The following CADM1 variants were observed in gnomAD, a reference collection of about 807,000 sequenced individuals.
CADM1 encodes the protein TSLC-1.
A neutral mutation model predicts 53.1 loss-of-function variants in CADM1; 15 were observed. That is an observed-to-expected ratio of 0.28 (90% CI 0.19 to 0.44). The LOEUF is 0.44. CADM1 is among the 20% of genes least tolerant of loss of function. CADM1 has a pLI of 1.00. For missense variants in CADM1, 434 were observed against 611.3 expected, an observed-to-expected ratio of 0.71 and a Z score of 3.06; for synonymous variants, 281 against 243.0, an observed-to-expected ratio of 1.16 and a Z score of -1.45.
intron 1 of CADM1, among the ~76,000 whole-genome samples, chr11:115,468,875 A>C (rs997622164): frequency 1.3e-5 from 2 of 152,236 alleles, no homozygotes; most frequent in African/African-American, 4.8e-5. Flanking sequence ...TCATGGCAGA[A>C]GGCAAAGGAG....
intron 1 of CADM1, among the ~76,000 whole-genome samples, chr11:115,349,981 G>GT (rs912707911): frequency 4.0e-5 from 6 of 151,866 alleles, no homozygotes; most frequent in Non-Finnish European, 8.8e-5. Flanking sequence ...TTTGTTTTTT[G>GT]TTTTTTTGAG....
intron 1 of CADM1, among the ~76,000 whole-genome samples, chr11:115,345,914 T>C (rs1027839970): frequency 6.9e-6 from 1 of 145,898 alleles, no homozygotes; most frequent in Non-Finnish European, 1.5e-5. Context: ...TGTACATGCA[T>C]CTAAGCAATT....
intron 1 of CADM1, among the ~76,000 whole-genome samples, chr11:115,464,079 A>C (rs1948848623): frequency 6.6e-6 from 1 of 152,168 alleles, no homozygotes; most frequent in African/African-American, 2.4e-5. Context: ...GACTGGAGAC[A>C]ATCTGCATCT....
At chr11:115,253,934 T>A (rs1306964156) in intron 1 of CADM1, among the ~76,000 whole-genome samples, 1 of 152,232 alleles carries the variant, frequency 6.6e-6, no homozygotes, top group African/African-American at 2.4e-5. Flanking sequence ...GCTCTGCCAG[T>A]TATTAGGCAG....
In CADM1 at chr11:115,174,131, A is replaced by G. The variant is rs998544447; in HGVS notation, c.*2343T>C. Reference sequence around the variant, plus strand: ...ACCTGAGACGGAAAACACCAATCGCAACACATGAACCTGAGACATGTCAAC... The same window carrying G: ...ACCTGAGACGGAAAACACCAATCGCGACACATGAACCTGAGACATGTCAAC... On this transcript the variant is annotated 3_prime_UTR_variant, in exon 12 of 12. Transcript: ENST00000331581. 2 of 985,286 alleles carry G rather than the reference A, an allele frequency of 2.0e-6. No individual in the cohort carries two copies. The highest frequency in any genetic ancestry group is 2.4e-6 in the Non-Finnish European group (2 of 829,908). The allele number at this position is 985,286 out of a possible 1,614,324, so 61.0% of individuals were successfully genotyped here.
chr11:115,445,947 G>C (rs2135336544), intron 1 of CADM1: 2 of 232,708 alleles, frequency 8.6e-6, no homozygotes, highest in South Asian at 8.9e-5. Context: ...AAACTCCAGG[G>C]TGATTATTTA....
At chr11:115,352,026 T>C (rs532643446) in intron 1 of CADM1, among the ~76,000 whole-genome samples, 8 of 152,214 alleles carry the variant, frequency 5.3e-5, no homozygotes, top group Non-Finnish European at 1.2e-4. Context: ...CATAGACTGC[T>C]TTACATCCGC....
At chr11:115,227,654 G>C (rs1183723969) in intron 5 of CADM1, among the ~76,000 whole-genome samples, 2 of 152,182 alleles carry the variant, frequency 1.3e-5, no homozygotes, top group Non-Finnish European at 2.9e-5. Context: ...TACCACAATA[G>C]TTTTAGTGAT....
intron 1 of CADM1, among the ~76,000 whole-genome samples, chr11:115,484,222 A>T (rs904506674): frequency 6.6e-6 from 1 of 152,222 alleles, no homozygotes; most frequent in Non-Finnish European, 1.5e-5. Flanking sequence ...TGGGCTAAGG[A>T]ACCATGCACA....
chr11:115,196,595 T>TGAA (rs747386680), intron 9 of CADM1, among the ~76,000 whole-genome samples: 3 of 76,894 alleles, frequency 3.9e-5, no homozygotes, highest in African/African-American at 1.0e-4. Context: ...GCTGATGAAC[T>TGAA]AAAAAAAAAA....
intron 1 of CADM1, among the ~76,000 whole-genome samples, chr11:115,372,909 GC>G (rs1202891484): frequency 2.6e-5 from 4 of 152,176 alleles, no homozygotes; most frequent in Non-Finnish European, 5.9e-5. Flanking sequence ...TTCAAGATGG[GC>G]CCCAAAGGCT....
At chr11:115,412,371 A>AT (rs1947479663) in intron 1 of CADM1, among the ~76,000 whole-genome samples, 1 of 151,948 alleles carries the variant, frequency 6.6e-6, no homozygotes. Flanking sequence ...ATTTTTTAAA[A>AT]TTTTTTTAGA....
chr11:115,336,807 T>G (rs1414770636), intron 1 of CADM1, among the ~76,000 whole-genome samples: 1 of 152,186 alleles, frequency 6.6e-6, no homozygotes, highest in African/African-American at 2.4e-5. Context: ...GGAACATTAG[T>G]TAACATTTTA....
chr11:115,476,699 G>T (rs969102418), intron 1 of CADM1, among the ~76,000 whole-genome samples: 1 of 152,094 alleles, frequency 6.6e-6, no homozygotes, highest in African/African-American at 2.4e-5. Flanking sequence ...AGAGAATCAG[G>T]GTGATAAAGA....
chr11:115,246,081 G>T (rs1942398445), intron 1 of CADM1, among the ~76,000 whole-genome samples: 1 of 152,126 alleles, frequency 6.6e-6, no homozygotes, highest in Non-Finnish European at 1.5e-5. Flanking sequence ...TGAGAACCAG[G>T]GTCCAAAGAG....
intron 1 of CADM1, among the ~76,000 whole-genome samples, chr11:115,396,422 T>C (rs1357502459): frequency 1.3e-5 from 2 of 152,196 alleles, no homozygotes; most frequent in Non-Finnish European, 2.9e-5. Flanking sequence ...TTGAGCTACA[T>C]AACATTTTTT....
chr11:115,331,421 G>A (rs45469396), intron 1 of CADM1, among the ~76,000 whole-genome samples: 395 of 152,210 alleles, frequency 2.6e-3, no homozygotes, highest in Non-Finnish European at 3.9e-3. Context: ...GCAGATCTGT[G>A]AAGCTTGCCA....
At chr11:115,412,270 T>A (rs191830430) in intron 1 of CADM1, among the ~76,000 whole-genome samples, 197 of 152,304 alleles carry the variant, frequency 1.3e-3, no homozygotes, top group African/African-American at 4.5e-3. Context: ...CATGGCTCAC[T>A]GCAACCTCTA....
chr11:115,210,285 C>G, intron 7 of CADM1, among the ~76,000 whole-genome samples: 1 of 152,188 alleles, frequency 6.6e-6, no homozygotes, highest in Non-Finnish European at 1.5e-5. Context: ...AATTTTACAA[C>G]TTATAAATAT....
Sources: allele counts gnomAD v4.1 joint callset (sites outside exome capture counted in the v4.1 genomes callset), GRCh38; gene constraint gnomAD v4.1.1; transcripts MANE v1.5; gene names NCBI Gene and HGNC (gene_info 2026-07-23, HGNC 2026-07-21).